Variants in SCNN1A observed in about 807,000 individuals in gnomAD.
The protein encoded by SCNN1A is sodium channel epithelial 1 subunit alpha.
SCNN1A carries 65 observed loss-of-function variants against 68.6 expected under a neutral mutation model. The ratio of observed to expected loss-of-function variants is 0.95; its 90% confidence interval spans 0.78 to 1.16. The LOEUF is 1.16. Among genes scored for constraint, SCNN1A ranks in the 50% most tolerant of loss-of-function variants. The pLI is 0.00. For synonymous variants in SCNN1A, 357 were observed against 353.3 expected (o/e 1.01, Z -0.12); for missense variants, 880 against 865.9 (o/e 1.02, Z -0.20).
chr12:6,355,829 A>G lies in SCNN1A; in HGVS notation c.927T>C (p.Asn309=), dbSNP rs929750326. The part of the protein sequence containing the change: ...HPMYGNCYTF[N]DKNNSNLWMS... ...TCCAGAGGTTGGAGTTGTTCTTGTC[A>G]TTGAAAGTATAGCAGTTTCCATACA... Residue 309 remains asparagine, a synonymous_variant, in exon 5 of 13, where the codon AAT becomes AAC. Transcript: ENST00000228916. 3 of 1,613,830 alleles carry G rather than the reference A, an allele frequency of 1.9e-6. No individual in the cohort carries two copies. Among genetic ancestry groups the G allele is most frequent in the Admixed American group, 3.3e-5 (2 of 60,018 alleles).
intron 1 of SCNN1A, chr12:6,375,153 C>T (rs915220519): frequency 3.4e-6 from 5 of 1,463,938 alleles, no homozygotes; most frequent in African/African-American, 1.4e-5. Context: ...TGCCCCCTTC[C>T]TTTGGTCTTC....
chr12:6,354,729 C>A, intron 7 of SCNN1A, 21 bp downstream of exon 7: 1 of 1,601,330 alleles, frequency 6.2e-7, no homozygotes, highest in East Asian at 2.2e-5. Context: ...GTGGCTGCCA[C>A]GGAATCAGGT....
At position 6,364,027 on chromosome 12, in the gene SCNN1A, T is replaced by C. The variant is rs536879672; in HGVS notation, c.417-317A>G. On this transcript the variant is annotated intron_variant, in intron 2 of 12. Coordinates refer to ENST00000228916, the MANE Select transcript of SCNN1A (RefSeq NM_001038.6). ...GACCTAGAAGGGAACCCGGAACTTG[T>C]CTGCCCTTTCCCAAAGAGGGGAAGG... 6.9e-5 allele frequency: 17 copies of C among 244,784 alleles called. No homozygotes were observed. The South Asian group carries it at 2.3e-3, about 33-fold the overall frequency. The allele number at this position is 244,784 out of a possible 1,614,324, so 15.2% of individuals were successfully genotyped here.
At chr12:6,365,918 C>G (rs1948668572) in intron 2 of SCNN1A, among the ~76,000 whole-genome samples, 2 of 151,734 alleles carry the variant, frequency 1.3e-5, no homozygotes, top group Admixed American at 1.3e-4. Flanking sequence ...GAGTGCAGTG[C>G]CGTGATCTCG....
rs3764875 is a variant in SCNN1A, at chr12:6,348,918, C to T, written c.1553+32G>A. The T allele has an allele frequency of 0.65, 1,041,039 of 1,612,452 alleles. 337,742 individuals are homozygous for T. Among genetic ancestry groups the T allele is most frequent in the East Asian group, 0.75 (33,820 of 44,862 alleles). On this transcript the variant is annotated intron_variant, in intron 11 of 12. Transcript: ENST00000228916. ...GTCTATTTTCCCTCCCAAAGATTCC[C>T]TTCTTGTGGCTGGGACCAGGGCAGG...
chr12:6,373,581 C>G (rs1353517286), intron 2 of SCNN1A, among the ~76,000 whole-genome samples: 3 of 152,196 alleles, frequency 2.0e-5, no homozygotes, highest in Non-Finnish European at 4.4e-5. Context: ...AAGCACTCAG[C>G]CCTGCCCTCC....
At chr12:6,370,736 A>G (rs897730797) in intron 2 of SCNN1A, among the ~76,000 whole-genome samples, 1 of 152,184 alleles carries the variant, frequency 6.6e-6, no homozygotes, top group African/African-American at 2.4e-5. Flanking sequence ...TCCCTAGCTC[A>G]GGGCTTTCCC....
Position 6,347,173 on chromosome 12 carries a change from A to C in SCNN1A, c.*700T>G, listed in dbSNP as rs1033445212. On this transcript the variant is annotated 3_prime_UTR_variant, in exon 13 of 13. Transcript: ENST00000228916. ...GGAGTTCTCTGGCAGATGGTTGGGG[A>C]AACTTTCAGGCTGAGGAAATATCTC... 3.9e-5 allele frequency: 6 copies of C among 152,518 alleles called. No homozygotes were observed. Among genetic ancestry groups the C allele is most frequent in the African/African-American group, 1.4e-4 (6 of 41,428 alleles). The allele number at this position is 152,518 out of a possible 1,614,324, so 9.4% of individuals were successfully genotyped here. A position where few individuals can be genotyped will look rare whatever the true frequency, so the allele number is the denominator to read the frequency against.
chr12:6,375,556 A>G lies in SCNN1A; in HGVS notation c.-106T>C. The G allele has an allele frequency of 1.3e-6, 2 of 1,532,552 alleles. No individual in the cohort carries two copies. Among genetic ancestry groups the G allele is most frequent in the Non-Finnish European group, 1.7e-6 (2 of 1,145,020 alleles). The allele number at this position is 1,532,552 out of a possible 1,614,324, so 94.9% of individuals were successfully genotyped here. ...GAGCCCGCCCGCTGGCCGGCCAGGG[A>G]TGGAAGCGACAGGAATCTCATTAGC... On this transcript the variant is annotated 5_prime_UTR_variant, in exon 1 of 13. Transcript: ENST00000228916.
chr12:6,374,148 C>T lies in SCNN1A; in HGVS notation c.416+220G>A, dbSNP rs984754629. On this transcript the variant is annotated intron_variant, in intron 2 of 12. Transcript: ENST00000228916. This position sits in a 1 kb window ranked among gnomAD's most constrained non-coding sequence, Gnocchi z 6.2. ...GGGCAATGCTGCTCCAACAACCACA[C>T]TCTGGGTGAGCCTGGGGTGCTAGGA... Among the ~76,000 whole-genome samples the T allele has an allele frequency of 6.6e-6, 1 of 152,232 alleles. No homozygotes were observed. Among genetic ancestry groups the T allele is most frequent in the African/African-American group, 2.4e-5 (1 of 41,462 alleles).
intron 10 of SCNN1A, 41 bp downstream of exon 10, chr12:6,349,123 G>A: frequency 6.2e-7 from 1 of 1,606,046 alleles, no homozygotes; most frequent in Non-Finnish European, 8.5e-7. Context: ...AGCATTACAT[G>A]GGCACACACA....
chr12:6,376,736 C>T (rs1948918194), upstream of SCNN1A, among the ~76,000 whole-genome samples: 1 of 152,062 alleles, frequency 6.6e-6, no homozygotes, highest in South Asian at 2.1e-4. Context: ...CCCACACAAC[C>T]CAGGCCCTGC....
intron 2 of SCNN1A, among the ~76,000 whole-genome samples, chr12:6,366,898 G>C (rs1279129188): frequency 6.6e-6 from 1 of 152,066 alleles, no homozygotes; most frequent in East Asian, 1.9e-4. Flanking sequence ...TGTGTTGAAG[G>C]TGTGTGTTTG....
At chr12:6,366,034 T>A (rs1157795772) in intron 2 of SCNN1A, among the ~76,000 whole-genome samples, 1 of 152,110 alleles carries the variant, frequency 6.6e-6, no homozygotes, top group African/African-American at 2.4e-5. Context: ...TTTTGTATTT[T>A]TAGTAGAGAC....
upstream of SCNN1A, chr12:6,377,214 G>A: frequency 6.5e-7 from 1 of 1,532,848 alleles, no homozygotes; most frequent in Non-Finnish European, 8.8e-7. Context: ...GTGAAAGCCG[G>A]TGTCAACCAG....
chr12:6,356,986 T>C (rs527724413), intron 4 of SCNN1A, among the ~76,000 whole-genome samples: 164 of 152,202 alleles, frequency 1.1e-3, no homozygotes, highest in Middle Eastern at 3.4e-3. Context: ...AATGAGGAGA[T>C]TGGAACTAGG....
At chr12:6,362,363 G>A in intron 3 of SCNN1A, 122 bp from the exon 4 acceptor site, 1 of 864,324 alleles carries the variant, frequency 1.2e-6, no homozygotes, top group Non-Finnish European at 2.0e-6. Flanking sequence ...TCGGAAGCCA[G>A]GAGTGGGGAA....
In SCNN1A at chr12:6,351,239, T is replaced by C. The variant is rs576082044; in HGVS notation, c.1361-1834A>G. 6.6e-4 allele frequency among the ~76,000 whole-genome samples: 100 copies of C among 152,354 alleles called. No individual in the cohort carries two copies. The highest frequency in any genetic ancestry group is 2.4e-3 in the African/African-American group (98 of 41,582). ...CATATAAAGGAATGAGGCACTGCTA[T>C]TGCTACCATACGGATGAACCTTGAA... On this transcript the variant is annotated intron_variant, in intron 8 of 12. Coordinates refer to ENST00000228916, the MANE Select transcript of SCNN1A (RefSeq NM_001038.6). This position sits in a 1 kb window ranked among gnomAD's most constrained non-coding sequence, Gnocchi z 4.2.
At position 6,347,629 on chromosome 12, in the gene SCNN1A, CAG is replaced by C. The variant is rs1209947257; in HGVS notation, c.*242_*243del. 3.7e-6 allele frequency: 2 copies of C among 537,696 alleles called. No homozygotes were observed. Among genetic ancestry groups the C allele is most frequent in the East Asian group, 5.8e-5 (2 of 34,544 alleles). The allele number at this position is 537,696 out of a possible 1,614,324, so 33.3% of individuals were successfully genotyped here. A position where few individuals can be genotyped will look rare whatever the true frequency, so the allele number is the denominator to read the frequency against. On this transcript the variant is annotated 3_prime_UTR_variant, in exon 13 of 13. Coordinates refer to ENST00000228916, the MANE Select transcript of SCNN1A (RefSeq NM_001038.6). The stretch of plus-strand genomic sequence containing the variant: ...CTTAGCCGCAGTTGGGTGGGGAAAC[CAG>C]AGTGTTCAGAGGCAGTACCAAGGGG...
Sources: gnomAD v4.1 joint callset for allele counts (sites outside exome capture counted in the v4.1 genomes callset) on GRCh38, gnomAD v4.1.1 for gene constraint, Gnocchi (gnomAD v3.1) non-coding constraint, MANE v1.5 for transcripts, NCBI Gene and HGNC (gene_info 2026-07-23, HGNC 2026-07-21) for gene names.